PIGK: variants seen among roughly 807,000 people sequenced by gnomAD.
The protein encoded by PIGK is GPI-anchor transamidase.
In PIGK, 42 loss-of-function variants were observed where a neutral mutation model predicts 50.6. The ratio of observed to expected loss-of-function variants is 0.83; its 90% CI spans 0.65 to 1.07. PIGK has a LOEUF of 1.07. Among genes scored for constraint, PIGK ranks in the 50% least tolerant of loss-of-function variants. The pLI, the probability that PIGK is intolerant of heterozygous loss-of-function variation, is 0.00. For synonymous variants in PIGK, 151 were observed against 156.0 expected (o/e 0.97, Z 0.24); for missense variants, 448 against 488.7 (o/e 0.92, Z 0.78).
intron 3 of PIGK, among the ~76,000 whole-genome samples, chr1:77,189,762 CACACACACACACACAGATAT>C (rs1655855162): frequency 1.5e-5 from 2 of 133,798 alleles, no homozygotes; most frequent in East Asian, 2.3e-4. Context: ...CACACACACA[CACACACACACACACAGATAT>C]ACAGATATAC....
intron 3 of PIGK, among the ~76,000 whole-genome samples, chr1:77,191,242 G>C (rs576236827): frequency 6.6e-6 from 1 of 152,174 alleles, no homozygotes; most frequent in South Asian, 2.1e-4. Flanking sequence ...CTTTCTTTTT[G>C]CTAAAATGTA....
At chr1:77,132,907 G>C (rs1251909663) in intron 9 of PIGK, among the ~76,000 whole-genome samples, 1 of 152,024 alleles carries the variant, frequency 6.6e-6, no homozygotes, top group Non-Finnish European at 1.5e-5. Context: ...CAGTATTAAA[G>C]ATAATGTCAG....
intron 3 of PIGK, among the ~76,000 whole-genome samples, chr1:77,205,509 T>G (rs1469890322): frequency 1.3e-5 from 2 of 151,988 alleles, no homozygotes; most frequent in Non-Finnish European, 2.9e-5. Flanking sequence ...GCTTCCTTTC[T>G]GTTCCTGCAG....
At chr1:77,130,416 A>C (rs1654347914) in intron 9 of PIGK, among the ~76,000 whole-genome samples, 2 of 151,676 alleles carry the variant, frequency 1.3e-5, no homozygotes. Flanking sequence ...TAAAGGGGAA[A>C]TCTAATTTTG....
intron 8 of PIGK, among the ~76,000 whole-genome samples, chr1:77,160,983 C>T (rs961845314): frequency 2.0e-5 from 3 of 151,996 alleles, no homozygotes; most frequent in Non-Finnish European, 2.9e-5. Context: ...GGGAAGAATT[C>T]GGGGAGACTT....
intron 9 of PIGK, among the ~76,000 whole-genome samples, chr1:77,142,784 C>T (rs1267256785): frequency 6.6e-6 from 1 of 152,094 alleles, no homozygotes; most frequent in African/African-American, 2.4e-5. Flanking sequence ...AATCACCTTC[C>T]TCCTTCTCTC....
intron 3 of PIGK, among the ~76,000 whole-genome samples, chr1:77,176,113 T>C (rs1306535633): frequency 2.0e-5 from 3 of 152,054 alleles, no homozygotes; most frequent in Non-Finnish European, 2.9e-5. Flanking sequence ...GAGTAAAAGG[T>C]TTTTGCCTTT....
At position 77,107,368 on chromosome 1, in the gene PIGK, G is replaced by A. The variant is rs376962474; in HGVS notation, c.1072-14878C>T. 2.3e-4 allele frequency among the ~76,000 whole-genome samples: 35 copies of A among 152,286 alleles called. No individual in the cohort carries two copies. The East Asian group carries it at 6.2e-3, about 27-fold the overall frequency. ...TGTACCCAGTAGTCATTCAGGAGCAGGTTGTTCAGTTTCCATGTAGTTGAG... is the reference window on the plus strand; with the variant it reads ...TGTACCCAGTAGTCATTCAGGAGCAAGTTGTTCAGTTTCCATGTAGTTGAG... On this transcript the variant is annotated intron_variant, in intron 10 of 10. Transcript: ENST00000370812.
chr1:77,181,180 C>T (rs896116233), intron 3 of PIGK, among the ~76,000 whole-genome samples: 2 of 152,000 alleles, frequency 1.3e-5, no homozygotes, highest in Non-Finnish European at 2.9e-5. Context: ...ATAATAATTT[C>T]CCATTATTAT....
chr1:77,198,441 A>G (rs962233058), intron 3 of PIGK, among the ~76,000 whole-genome samples: 3 of 152,042 alleles, frequency 2.0e-5, no homozygotes, highest in Non-Finnish European at 4.4e-5. Flanking sequence ...GCTTTTGAAG[A>G]TTAAAGAATG....
chr1:77,195,107 T>C (rs1656001318), intron 3 of PIGK: 8 of 1,151,090 alleles, frequency 6.9e-6, no homozygotes, highest in Non-Finnish European at 9.0e-6. Flanking sequence ...GGTGTGGTCA[T>C]ATTACACAGG....
intron 9 of PIGK, among the ~76,000 whole-genome samples, chr1:77,147,831 A>T (rs1654805100): frequency 6.6e-6 from 1 of 152,248 alleles, no homozygotes; most frequent in African/African-American, 2.4e-5. Flanking sequence ...AGTAAGACAT[A>T]TGCAGAAACA....
intron 3 of PIGK, among the ~76,000 whole-genome samples, chr1:77,172,070 ATTTTTTT>A (rs34115617): frequency 7.6e-6 from 1 of 130,928 alleles, no homozygotes; most frequent in Non-Finnish European, 1.6e-5. Flanking sequence ...TCTACATTTA[ATTTTTTT>A]TTTTTTTTTT....
chr1:77,145,837 A>T (rs1396949783), intron 9 of PIGK, among the ~76,000 whole-genome samples: 2 of 152,160 alleles, frequency 1.3e-5, no homozygotes, highest in East Asian at 3.8e-4. Context: ...ATAGTGGTAT[A>T]AAGATAGAAA....
At chr1:77,177,161 G>A (rs1182568344) in intron 3 of PIGK, among the ~76,000 whole-genome samples, 2 of 152,172 alleles carry the variant, frequency 1.3e-5, no homozygotes, top group Admixed American at 6.5e-5. Flanking sequence ...AGACTATTAT[G>A]CTACAGTGTA....
chr1:77,206,866 A>C, intron 2 of PIGK, 135 bp from the exon 3 acceptor site: 1 of 544,804 alleles, frequency 1.8e-6, no homozygotes, highest in Admixed American at 3.1e-5. Flanking sequence ...AACAGCAAAC[A>C]CAAAAAATTG....
chr1:77,122,197 G>GA lies in PIGK; in HGVS notation c.1071+77dup, dbSNP rs1490652910. 17 of 946,156 alleles carry GA rather than the reference G, an allele frequency of 1.8e-5. No homozygotes were observed. In the East Asian group the frequency reaches 3.7e-4, roughly 21 times the overall value. 58.6% of individuals were successfully genotyped at this position (946,156 alleles called of 1,614,324 possible). Reference sequence around the variant, plus strand: ...CTTTCAGCTATAGCACATTGATTCTGAAAAACCTAACAAAAGCAATTACTT... The same window carrying GA: ...CTTTCAGCTATAGCACATTGATTCTGAAAAAACCTAACAAAAGCAATTACTT... On this transcript the variant is annotated intron_variant, in intron 10 of 10. Coordinates refer to ENST00000370812, the MANE Select transcript of PIGK (RefSeq NM_005482.3).
rs139449349 is a variant in PIGK at position 77,187,489 on chromosome 1, G to C, written c.240-18094C>G. ...CAACAATGATTCCATTAAACTAGAAGTTAAGATTGCCACCTGGACACTTTG... is the reference window on the plus strand; with the variant it reads ...CAACAATGATTCCATTAAACTAGAACTTAAGATTGCCACCTGGACACTTTG... On this transcript the variant is annotated intron_variant, in intron 3 of 10. Coordinates refer to ENST00000370812, the MANE Select transcript of PIGK (RefSeq NM_005482.3). 3.2e-3 allele frequency among the ~76,000 whole-genome samples: 491 copies of C among 152,274 alleles called. 1 individual carries two copies. The highest frequency in any genetic ancestry group is 5.8e-3 in the Non-Finnish European group (395 of 68,012).
chr1:77,097,320 A>G (rs1221120471), intron 10 of PIGK, among the ~76,000 whole-genome samples: 3 of 152,244 alleles, frequency 2.0e-5, no homozygotes, highest in Non-Finnish European at 2.9e-5. Flanking sequence ...ACACAGGGGA[A>G]TCTAGAAACT....
Sources: gnomAD v4.1 joint callset for allele counts (sites outside exome capture counted in the v4.1 genomes callset) on GRCh38, gnomAD v4.1.1 for gene constraint, MANE v1.5 for transcripts, NCBI Gene and HGNC (gene_info 2026-07-23, HGNC 2026-07-21) for gene names.